The following OTOGL variants were observed in gnomAD, a reference collection of about 807,000 sequenced individuals.
The protein encoded by OTOGL is otogelin-like protein.
A neutral mutation model predicts 318.5 loss-of-function variants in OTOGL; 285 were observed. The observed-to-expected ratio is 0.89, with a 90% confidence interval of 0.81 to 0.99. The LOEUF is 0.99. OTOGL is among the 50% of genes least tolerant of loss of function. The pLI is 0.00. For missense variants in OTOGL, 2,899 were observed against 2,845.6 expected (o/e 1.02, Z -0.43); for synonymous variants, 987 against 936.5 (o/e 1.05, Z -0.99).
chr12:80,175,027 A>C (rs771069176), intron 1 of OTOGL, among the ~76,000 whole-genome samples: 56 of 152,206 alleles, frequency 3.7e-4, no homozygotes, highest in Non-Finnish European at 5.4e-4. Context: ...CAAAGAATGC[A>C]GAAGGGTGTC....
chr12:80,111,388 A>G (rs76196130), intron 1 of OTOGL, among the ~76,000 whole-genome samples: 1,830 of 152,270 alleles, frequency 0.012, 40 homozygotes, highest in African/African-American at 0.042. Context: ...TAGGTCTTAC[A>G]TTTAAATCTT....
rs765350939 is a variant in OTOGL at position 80,353,530 on chromosome 12, A to G, written c.5593+20A>G. The G allele has an allele frequency of 4.1e-6, 6 of 1,458,776 alleles. No homozygotes were observed. The highest frequency in any genetic ancestry group is 1.5e-5 in the South Asian group (1 of 64,768). The allele number at this position is 1,458,776 out of a possible 1,614,324, so 90.4% of individuals were successfully genotyped here. On this transcript the variant is annotated intron_variant, in intron 46 of 58. Coordinates refer to ENST00000547103, the MANE Select transcript of OTOGL (RefSeq NM_001378609.3). ...AGTGTGGTAAGACACAAAGTACAAA[A>G]TGACTTCTCAGGAATCCGGCAAACA...
chr12:80,271,562 TA>T, intron 23 of OTOGL, 85 bp from the exon 24 acceptor site: 1 of 1,324,510 alleles, frequency 7.5e-7, no homozygotes, highest in Non-Finnish European at 1.0e-6. Context: ...AGGTTTAGAA[TA>T]AACCTATTTT....
rs1410157760 is a variant in OTOGL at position 80,206,686 on chromosome 12, A to T, written c.-19-2727A>T. On this transcript the variant is annotated intron_variant, in intron 1 of 58. Coordinates refer to ENST00000547103, the MANE Select transcript of OTOGL (RefSeq NM_001378609.3). ...TACCATGCCCAGCTAATTGTTTTGT[A>T]TTTTTTTTTTTTTTTGTAGAGGCAG... Among the ~76,000 whole-genome samples, 395 of 134,882 alleles carry T rather than the reference A, an allele frequency of 2.9e-3. 2 individuals are homozygous for T. Among genetic ancestry groups the T allele is most frequent in the Non-Finnish European group, 3.4e-3 (209 of 61,750 alleles). The allele number at this position is 134,882 out of a possible 152,430, so 88.5% of individuals were successfully genotyped here.
intron 30 of OTOGL, among the ~76,000 whole-genome samples, chr12:80,312,905 G>A (rs560436367): frequency 3.3e-5 from 5 of 152,066 alleles, no homozygotes; most frequent in East Asian, 1.9e-4. Context: ...TCCGCCTCCC[G>A]GGTTCAAGTG....
Position 80,328,705 on chromosome 12 carries a change from C to T in OTOGL, c.4240C>T (p.Leu1414Phe), listed in dbSNP as rs1887866793. Reference sequence around the variant, plus strand: ...GCCCTACTGCCCTAAAAATATGATCCTTGATGAGGTCACCCTCAAGTGTGT... The same window carrying T: ...GCCCTACTGCCCTAAAAATATGATCTTTGATGAGGTCACCCTCAAGTGTGT... ...CLPYCPKNMILDEVTLKCVYP... is the reference protein window; with the variant it reads ...CLPYCPKNMIFDEVTLKCVYP... Residue 1414 changes from leucine (L) to phenylalanine (F), a missense_variant, in exon 36 of 59, where the codon CTT (leucine) becomes TTT (phenylalanine). Coordinates refer to ENST00000547103, the MANE Select transcript of OTOGL (RefSeq NM_001378609.3). The T allele has an allele frequency of 1.2e-6, 2 of 1,607,010 alleles. No individual in the cohort carries two copies. The highest frequency in any genetic ancestry group is 1.7e-5 in the Admixed American group (1 of 59,962).
intron 23 of OTOGL, 52 bp from the exon 24 acceptor site, chr12:80,271,596 C>A: frequency 6.5e-7 from 1 of 1,548,542 alleles, no homozygotes; most frequent in South Asian, 1.2e-5. Context: ...GTTCATATCT[C>A]CCATGCCATG....
intron 1 of OTOGL, chr12:80,103,339 C>A (rs906869048): frequency 3.4e-6 from 5 of 1,451,994 alleles, no homozygotes; most frequent in African/African-American, 1.4e-5. Context: ...TTCATTTTGG[C>A]CGCTCCCGCT....
rs567051065 is a variant in OTOGL, at chr12:80,260,574, T to G, written c.1890-1395T>G. Among the ~76,000 whole-genome samples, 21 of 152,304 alleles carry G rather than the reference T, an allele frequency of 1.4e-4. No individual in the cohort carries two copies. In the South Asian group the frequency reaches 3.3e-3, roughly 24 times the overall value. On this transcript the variant is annotated intron_variant, in intron 18 of 58. Coordinates refer to ENST00000547103, the MANE Select transcript of OTOGL (RefSeq NM_001378609.3). ...CAACTTAAGTAGTTAAAACTCTTTC[T>G]TCACAAAGGTTAATGTGAATATGCA...
chr12:80,124,865 T>C (rs549570494), intron 1 of OTOGL, among the ~76,000 whole-genome samples: 2 of 152,346 alleles, frequency 1.3e-5, no homozygotes, highest in African/African-American at 2.4e-5. Context: ...ATAAGAATGC[T>C]TGTGATTTTC....
intron 29 of OTOGL, among the ~76,000 whole-genome samples, chr12:80,307,440 A>AC (rs546362060): frequency 0.047 from 6,204 of 131,394 alleles, 226 homozygotes; most frequent in Middle Eastern, 0.14. Context: ...CGGGGGGCTG[A>AC]CCCCCCCCAC....
intron 23 of OTOGL, among the ~76,000 whole-genome samples, chr12:80,270,933 A>G (rs1260821660): frequency 6.6e-6 from 1 of 152,068 alleles, no homozygotes; most frequent in Admixed American, 6.6e-5. Context: ...GTAAGCTATT[A>G]TTGCTTTGTT....
chr12:80,305,539 A>T, intron 28 of OTOGL, 37 bp from the exon 29 acceptor site: 1 of 1,429,746 alleles, frequency 7.0e-7, no homozygotes, highest in Non-Finnish European at 9.1e-7. Context: ...GTTAAAGTGA[A>T]AACAGAATAT....
chr12:80,325,043 A>C (rs1039896574), intron 35 of OTOGL, among the ~76,000 whole-genome samples: 36 of 150,744 alleles, frequency 2.4e-4, no homozygotes, highest in African/African-American at 8.8e-4. Context: ...TTTTTTTTTT[A>C]ATAATATAAG....
At chr12:80,183,355 A>G (rs1043248018) in intron 1 of OTOGL, among the ~76,000 whole-genome samples, 1 of 152,254 alleles carries the variant, frequency 6.6e-6, no homozygotes. Flanking sequence ...GATTTGAAGT[A>G]GTAGGACTCT....
intron 56 of OTOGL, among the ~76,000 whole-genome samples, chr12:80,371,685 T>A (rs1416509816): frequency 6.6e-6 from 1 of 152,184 alleles, no homozygotes; most frequent in Admixed American, 6.5e-5. Flanking sequence ...TTCAAGGAGT[T>A]GAAAATATAT....
chr12:80,368,915 A>T (rs1249136163), intron 55 of OTOGL, among the ~76,000 whole-genome samples: 1 of 151,896 alleles, frequency 6.6e-6, no homozygotes, highest in Non-Finnish European at 1.5e-5. Flanking sequence ...ATAATCTATT[A>T]CAGAGATAGA....
chr12:80,297,983 A>G (rs1026147640), intron 27 of OTOGL, among the ~76,000 whole-genome samples: 19 of 152,156 alleles, frequency 1.2e-4, no homozygotes, highest in African/African-American at 4.3e-4. Flanking sequence ...GTCTTCCCCA[A>G]TTGTCTCCAA....
At chr12:80,115,447 C>A (rs1870102351) in intron 1 of OTOGL, among the ~76,000 whole-genome samples, 1 of 152,080 alleles carries the variant, frequency 6.6e-6, no homozygotes, top group Admixed American at 6.6e-5. Context: ...GCAAAGATTG[C>A]TCTCTCCTCT....
Sources: gnomAD v4.1 joint callset for allele counts (sites outside exome capture counted in the v4.1 genomes callset) on GRCh38, gnomAD v4.1.1 for gene constraint, MANE v1.5 for transcripts, NCBI Gene and HGNC (gene_info 2026-07-23, HGNC 2026-07-21) for gene names.